RIPOR2: variants seen among roughly 807,000 people sequenced by gnomAD.
The protein encoded by RIPOR2 is rho family-interacting cell polarization regulator 2.
In RIPOR2, 39 loss-of-function variants were observed where a neutral mutation model predicts 114.5. The observed-to-expected ratio is 0.34, with a 90% CI of 0.26 to 0.44. The LOEUF (loss-of-function observed/expected upper bound fraction) is 0.44. Ranked by LOEUF, RIPOR2 falls within the 20% of genes least tolerant of loss-of-function variation. The pLI is 1.00. For synonymous variants in RIPOR2, 445 were observed against 484.4 expected (o/e 0.92, Z 1.07); for missense variants, 1,007 against 1,255.1 (o/e 0.80, Z 2.99).
intron 13 of RIPOR2, chr6:24,840,242 T>C (rs1761565506): frequency 9.9e-7 from 1 of 1,014,030 alleles, no homozygotes; most frequent in African/African-American, 1.7e-5. Flanking sequence ...CCGCACCTGC[T>C]CACAGCATAT....
At chr6:24,956,089 G>T (rs370465586) in intron 1 of RIPOR2, among the ~76,000 whole-genome samples, 1 of 151,630 alleles carries the variant, frequency 6.6e-6, no homozygotes, top group East Asian at 1.9e-4. Flanking sequence ...TAGGAAATAT[G>T]AAAGACACAA....
chr6:25,026,838 C>G (rs1776649884), intron 1 of RIPOR2, among the ~76,000 whole-genome samples: 1 of 152,120 alleles, frequency 6.6e-6, no homozygotes, highest in Admixed American at 6.5e-5. Flanking sequence ...AGGCTGAGGC[C>G]TGGGGGAAAT....
intron 15 of RIPOR2, 23 bp from the exon 16 acceptor site, chr6:24,832,414 T>C (rs760606486): frequency 5.2e-6 from 8 of 1,551,074 alleles, no homozygotes; most frequent in African/African-American, 1.4e-5. Context: ...ACAAAACTCC[T>C]GTTTCAATTA....
intron 1 of RIPOR2, among the ~76,000 whole-genome samples, chr6:24,988,732 C>A (rs1003636884): frequency 6.6e-6 from 1 of 152,000 alleles, no homozygotes; most frequent in African/African-American, 2.4e-5. Flanking sequence ...CTCCATCATG[C>A]CTTGTCCTTG....
intron 1 of RIPOR2, among the ~76,000 whole-genome samples, chr6:24,925,091 A>G (rs995734744): frequency 6.6e-6 from 1 of 152,200 alleles, no homozygotes; most frequent in Non-Finnish European, 1.5e-5. Flanking sequence ...GCAAATGTTC[A>G]TCTGTAAAAA....
At position 25,033,358 on chromosome 6, in the gene RIPOR2, C is replaced by T. The variant is rs578076075; in HGVS notation, c.76+8493G>A. On this transcript the variant is annotated intron_variant, in intron 1 of 13. Coordinates refer to the RIPOR2 transcript ENST00000510784. Reference sequence around the variant, plus strand: ...GCCAGTAGAAGCCCCTCCAAGGCAGCTCCCCAGTCCTTTTGACAGATTCCC... The same window carrying T: ...GCCAGTAGAAGCCCCTCCAAGGCAGTTCCCCAGTCCTTTTGACAGATTCCC... Among the ~76,000 whole-genome samples the T allele has an allele frequency of 3.3e-5, 5 of 152,318 alleles. No homozygotes were observed. In the South Asian group the frequency reaches 6.2e-4, roughly 19 times the overall value.
At chr6:25,006,069 A>G (rs1238383003) in intron 1 of RIPOR2, among the ~76,000 whole-genome samples, 1 of 152,216 alleles carries the variant, frequency 6.6e-6, no homozygotes, top group Non-Finnish European at 1.5e-5. Flanking sequence ...TCATTATAGG[A>G]AAATGAGACT....
chr6:25,035,431 C>G (rs1030137361), intron 1 of RIPOR2, among the ~76,000 whole-genome samples: 2 of 152,112 alleles, frequency 1.3e-5, no homozygotes, highest in Non-Finnish European at 2.9e-5. Flanking sequence ...AGCCTGAAGC[C>G]TAAAATCGCA....
chr6:24,948,440 A>G (rs1581858895), intron 1 of RIPOR2: 1 of 152,402 alleles, frequency 6.6e-6, no homozygotes, highest in Non-Finnish European at 1.5e-5. Context: ...TGATGAGCCC[A>G]GATTCCTCTC....
At chr6:24,866,391 G>A (rs187509709) in intron 6 of RIPOR2, among the ~76,000 whole-genome samples, 72 of 152,152 alleles carry the variant, frequency 4.7e-4, no homozygotes, top group Middle Eastern at 6.8e-3. Flanking sequence ...AGGCAATTTT[G>A]ACCCCCAGGG....
In RIPOR2 at chr6:24,835,826, CGCTT is replaced by C. The variant is rs1254541056; in HGVS notation, c.2081_2084del (p.Glu694GlyfsTer19). The C allele has an allele frequency of 6.4e-7, 1 of 1,551,384 alleles. No individual in the cohort carries two copies. Among genetic ancestry groups the C allele is most frequent in the African/African-American group, 1.4e-5 (1 of 72,984 alleles). On this transcript the variant is annotated frameshift_variant, in exon 15 of 22. Transcript: ENST00000643898. LOFTEE classifies it high-confidence loss of function. ...TCCCAACTCCTGTGTCTTCAGTGAG[CGCTT>C]CACTGAGATGCCCCCTGGCTTCTGG...
At chr6:24,999,558 CTTTT>C (rs34050235) in intron 1 of RIPOR2, among the ~76,000 whole-genome samples, 1 of 137,694 alleles carries the variant, frequency 7.3e-6, no homozygotes, top group Non-Finnish European at 1.6e-5. Context: ...CTGACTCATC[CTTTT>C]TTTTTTTTTT....
intron 1 of RIPOR2, among the ~76,000 whole-genome samples, chr6:24,983,088 A>AAGC (rs1446746172): frequency 6.6e-6 from 1 of 151,898 alleles, no homozygotes. Flanking sequence ...TACTCAGGGG[A>AAGC]CTAGAATCTA....
intron 1 of RIPOR2, among the ~76,000 whole-genome samples, chr6:24,990,664 C>T (rs1046685982): frequency 1.5e-4 from 23 of 152,086 alleles, no homozygotes; most frequent in African/African-American, 4.3e-4. Context: ...TGACTCATAG[C>T]GTGCATTTGT....
intron 1 of RIPOR2, among the ~76,000 whole-genome samples, chr6:24,935,498 A>G (rs868437494): frequency 7.2e-5 from 11 of 152,078 alleles, no homozygotes; most frequent in African/African-American, 2.7e-4. Flanking sequence ...TGCTCAAACC[A>G]CTGTGACAGG....
At chr6:24,830,443 A>AC in intron 17 of RIPOR2, 66 bp downstream of exon 17, 6 of 1,236,356 alleles carry the variant, frequency 4.9e-6, no homozygotes, top group South Asian at 1.4e-5. Flanking sequence ...CTCTCCCCCG[A>AC]CCCCCACCCC....
intron 1 of RIPOR2, among the ~76,000 whole-genome samples, chr6:24,904,128 T>G (rs1440833713): frequency 1.3e-5 from 2 of 152,216 alleles, no homozygotes; most frequent in Non-Finnish European, 2.9e-5. Context: ...GTGTATGAGT[T>G]TCAGATGGCT....
At chr6:24,957,871 G>A (rs1019812918) in intron 1 of RIPOR2, among the ~76,000 whole-genome samples, 3 of 152,116 alleles carry the variant, frequency 2.0e-5, no homozygotes, top group Non-Finnish European at 4.4e-5. Context: ...CGAAGACTCC[G>A]TCTCAAAAAA....
At chr6:24,885,657 A>G (rs1015950385) in intron 1 of RIPOR2, among the ~76,000 whole-genome samples, 1 of 152,258 alleles carries the variant, frequency 6.6e-6, no homozygotes, top group African/African-American at 2.4e-5. Flanking sequence ...TTTGCACATT[A>G]TTTAACTTCC....
Sources: gnomAD v4.1 joint callset for allele counts (sites outside exome capture counted in the v4.1 genomes callset) on GRCh38, gnomAD v4.1.1 for gene constraint, MANE v1.5 for transcripts, NCBI Gene and HGNC (gene_info 2026-07-23, HGNC 2026-07-21) for gene names.